Variants in PIGU observed in about 807,000 individuals in gnomAD.
The protein encoded by PIGU is phosphatidylinositol glycan anchor biosynthesis class U.
A neutral mutation model predicts 49.9 loss-of-function variants in PIGU; 24 were observed. That is an observed-to-expected ratio of 0.48 (90% CI 0.35 to 0.68). The LOEUF (loss-of-function observed/expected upper bound fraction) is 0.68. Among genes scored for constraint, PIGU ranks in the 30% least tolerant of loss-of-function variants. The pLI is 0.01. For synonymous variants in PIGU, 220 were observed against 205.7 expected (o/e 1.07, Z -0.59); for missense variants, 490 against 532.6 (o/e 0.92, Z 0.79).
At chr20:34,585,069 A>T (rs1983644423) in intron 9 of PIGU, among the ~76,000 whole-genome samples, 1 of 152,186 alleles carries the variant, frequency 6.6e-6, no homozygotes, top group Admixed American at 6.5e-5. Flanking sequence ...TCCTGGCCTC[A>T]AGTGACCCTC....
intron 7 of PIGU, among the ~76,000 whole-genome samples, chr20:34,600,628 C>G (rs1984380519): frequency 6.6e-6 from 1 of 151,972 alleles, no homozygotes; most frequent in Non-Finnish European, 1.5e-5. Context: ...AAAATACCCT[C>G]TAAAGTAAAA....
intron 1 of PIGU, among the ~76,000 whole-genome samples, chr20:34,675,229 T>C (rs6087616): frequency 0.43 from 56,022 of 128,818 alleles, 11,932 homozygotes; most frequent in Admixed American, 0.62. Flanking sequence ...GCTAGGGCAA[T>C]GAGAGTGAAA....
At chr20:34,656,942 A>G (rs550094814) in intron 2 of PIGU, among the ~76,000 whole-genome samples, 75 of 152,302 alleles carry the variant, frequency 4.9e-4, no homozygotes, top group Non-Finnish European at 9.1e-4. Context: ...TGCCTTTACA[A>G]ATGGTAACTT....
chr20:34,577,716 AAAACAAAC>A (rs531660705), intron 10 of PIGU, among the ~76,000 whole-genome samples: 46 of 152,274 alleles, frequency 3.0e-4, no homozygotes, highest in South Asian at 1.7e-3. Context: ...ACTCTGTCTC[AAAACAAAC>A]AAACAAACAA....
intron 4 of PIGU, among the ~76,000 whole-genome samples, chr20:34,641,083 G>A (rs571533506): frequency 7.8e-4 from 118 of 151,876 alleles, no homozygotes; most frequent in Non-Finnish European, 1.4e-3. Context: ...TAGTAGAGAC[G>A]GGCTTTCACC....
At chr20:34,634,461 C>T (rs551908582) in intron 6 of PIGU, among the ~76,000 whole-genome samples, 154 bp downstream of exon 6, 2 of 152,048 alleles carry the variant, frequency 1.3e-5, no homozygotes, top group South Asian at 4.2e-4. Flanking sequence ...GCCATGACTA[C>T]ATTTTCTAAA....
intron 7 of PIGU, among the ~76,000 whole-genome samples, chr20:34,596,041 A>G (rs530623475): frequency 2.4e-4 from 37 of 152,354 alleles, no homozygotes; most frequent in African/African-American, 7.9e-4. Flanking sequence ...CAAAAACAAA[A>G]CAAAACAAAA....
At chr20:34,624,731 G>A (rs540972829) in intron 6 of PIGU, among the ~76,000 whole-genome samples, 4 of 152,314 alleles carry the variant, frequency 2.6e-5, no homozygotes, top group African/African-American at 4.8e-5. Context: ...CCTTCAAAGC[G>A]AAACTTAAGC....
At position 34,592,357 on chromosome 20, in the gene PIGU, A is replaced by G. The variant is rs1179236203; in HGVS notation, c.628-3750T>C. ...TTGTTAAAACAGAAAATAAAGGTAC[A>G]ATATAAGGAATCAACAAAACCAAAT... On this transcript the variant is annotated intron_variant, in intron 7 of 11. Coordinates refer to ENST00000217446, the MANE Select transcript of PIGU (RefSeq NM_080476.5). Among the ~76,000 whole-genome samples the G allele has an allele frequency of 7.2e-5, 11 of 151,914 alleles. 1 individual carries two copies. Among genetic ancestry groups the G allele is most frequent in the African/African-American group, 2.6e-4 (11 of 41,514 alleles).
At chr20:34,575,367 AC>A in intron 10 of PIGU, 121 bp from the exon 11 acceptor site, 2 of 1,235,016 alleles carry the variant, frequency 1.6e-6, no homozygotes, top group South Asian at 3.3e-5. Flanking sequence ...AAGGCAGAGC[AC>A]CCCCAGAGGT....
chr20:34,596,361 C>G (rs1984198155), intron 7 of PIGU, among the ~76,000 whole-genome samples: 1 of 152,096 alleles, frequency 6.6e-6, no homozygotes, highest in Non-Finnish European at 1.5e-5. Flanking sequence ...TAAATATGAT[C>G]CTGAAACAAA....
chr20:34,650,397 A>C (rs1986494201), intron 2 of PIGU, among the ~76,000 whole-genome samples: 1 of 151,844 alleles, frequency 6.6e-6, no homozygotes, highest in Admixed American at 6.6e-5. Flanking sequence ...CAGCCTCCCA[A>C]GTAGCTGGAA....
At chr20:34,656,444 A>ATACCTT (rs1986705363) in intron 2 of PIGU, among the ~76,000 whole-genome samples, 2 of 95,596 alleles carry the variant, frequency 2.1e-5, no homozygotes, top group East Asian at 3.2e-4. Context: ...TACCGCGCCC[A>ATACCTT]GCTAATCTTT....
intron 7 of PIGU, among the ~76,000 whole-genome samples, chr20:34,609,685 A>G (rs6087607): frequency 0.86 from 130,707 of 152,176 alleles, 56,327 homozygotes; most frequent in Admixed American, 0.92. Flanking sequence ...ATTTAAACAG[A>G]TGGTTTTGTT....
intron 11 of PIGU, among the ~76,000 whole-genome samples, chr20:34,571,637 G>A (rs1320348307): frequency 6.6e-6 from 1 of 152,200 alleles, no homozygotes; most frequent in Non-Finnish European, 1.5e-5. Flanking sequence ...ACGTCTCGAT[G>A]GAAGACACAG....
intron 7 of PIGU, among the ~76,000 whole-genome samples, chr20:34,599,325 C>T (rs893794274): frequency 2.6e-5 from 4 of 151,942 alleles, no homozygotes; most frequent in African/African-American, 7.3e-5. Flanking sequence ...TGGTGGCACG[C>T]GCCTGTAGTC....
At chr20:34,573,024 A>T (rs1213019089) in intron 11 of PIGU, among the ~76,000 whole-genome samples, 2 of 151,944 alleles carry the variant, frequency 1.3e-5, no homozygotes, top group Non-Finnish European at 2.9e-5. Flanking sequence ...TTTATTTTTT[A>T]TTTTTTGGTA....
chr20:34,657,233 G>A lies in PIGU; in HGVS notation c.142C>T (p.Leu48Phe). The change falls in exon 2 of 12, where the codon CTT (leucine) becomes TTT (phenylalanine). Residue 48 changes from leucine to phenylalanine, a missense_variant. Coordinates refer to ENST00000217446, the MANE Select transcript of PIGU (RefSeq NM_080476.5). The part of the protein sequence containing the change: ...LSSWKRVVEG[L>F]SLLDLGVSPY... The stretch of plus-strand genomic sequence containing the variant: ...GATACTCCCAAGTCCAACAGTGAAA[G>A]GCCTTCAACCACTGAAAAATTAGAT... 2 of 1,612,574 alleles carry A rather than the reference G, an allele frequency of 1.2e-6. No individual in the cohort carries two copies. Among genetic ancestry groups the A allele is most frequent in the Non-Finnish European group, 1.7e-6 (2 of 1,178,664 alleles).
chr20:34,631,823 G>T (rs1985790484), intron 6 of PIGU, among the ~76,000 whole-genome samples: 2 of 78,444 alleles, frequency 2.5e-5, no homozygotes, highest in African/African-American at 4.4e-5. Flanking sequence ...TTTTAGTAGA[G>T]ACGGGGTTTC....
Sources: gnomAD v4.1 joint callset for allele counts (sites outside exome capture counted in the v4.1 genomes callset) on GRCh38, gnomAD v4.1.1 for gene constraint, MANE v1.5 for transcripts, NCBI Gene and HGNC (gene_info 2026-07-23, HGNC 2026-07-21) for gene names.